MSRA: variants seen among roughly 807,000 people sequenced by gnomAD.
MSRA encodes the protein mitochondrial peptide methionine sulfoxide reductase.
A neutral mutation model predicts 31.3 loss-of-function variants in MSRA; 54 were observed. The observed-to-expected ratio is 1.73, with a 90% CI of 1.39 to 2.17. The LOEUF (loss-of-function observed/expected upper bound fraction) is 2.17. Among genes scored for constraint, MSRA ranks in the 30% most tolerant of loss-of-function variants. The pLI, the probability that MSRA is intolerant of heterozygous loss-of-function variation, is 0.00. For missense variants in MSRA, 507 were observed against 300.9 expected (o/e 1.69, Z -5.07); for synonymous variants, 169 against 116.5 (o/e 1.45, Z -2.90).
At chr8:10,125,583 G>T (rs377327024) in intron 1 of MSRA, among the ~76,000 whole-genome samples, 1 of 152,136 alleles carries the variant, frequency 6.6e-6, no homozygotes, top group Non-Finnish European at 1.5e-5. Flanking sequence ...CTCCTGAACC[G>T]GGCTAAGGAG....
intron 5 of MSRA, among the ~76,000 whole-genome samples, chr8:10,386,939 C>T (rs1376142968): frequency 6.6e-6 from 1 of 150,938 alleles, no homozygotes; most frequent in Non-Finnish European, 1.5e-5. Flanking sequence ...GGCATGGGAT[C>T]GGCTGAACTG....
At position 10,094,589 on chromosome 8, in the gene MSRA, C is replaced by T. The variant is rs186426118; in HGVS notation, c.142+39931C>T. Among the ~76,000 whole-genome samples, 211 of 152,270 alleles carry T rather than the reference C, an allele frequency of 1.4e-3. 2 individuals carry two copies. Among genetic ancestry groups the T allele is most frequent in the African/African-American group, 3.9e-3 (160 of 41,542 alleles). On this transcript the variant is annotated intron_variant, in intron 1 of 5. Coordinates refer to ENST00000317173, the MANE Select transcript of MSRA (RefSeq NM_012331.5). ...AGACCTTGAGTTATCTAAATTAGAA[C>T]GTGGCAGAATCAAGGACTAGAAGTC...
chr8:10,096,235 A>C, intron 1 of MSRA: 2 of 1,199,954 alleles, frequency 1.7e-6, no homozygotes, highest in Non-Finnish European at 2.1e-6. Flanking sequence ...CCTAAACTAC[A>C]TCCCCCAGCA....
In MSRA at chr8:10,378,069, C is replaced by G. The variant is rs139949409; in HGVS notation, c.544-50079C>G. On this transcript the variant is annotated intron_variant, in intron 5 of 5. Coordinates refer to ENST00000317173, the MANE Select transcript of MSRA (RefSeq NM_012331.5). The stretch of plus-strand genomic sequence containing the variant: ...CCAGCAGATGTCTTTATCAGTGGCT[C>G]GACATTGGCAGAGGAACTCTGTGGA... 5.4e-3 allele frequency among the ~76,000 whole-genome samples: 821 copies of G among 152,276 alleles called. 7 individuals are homozygous for G. Among genetic ancestry groups the G allele is most frequent in the African/African-American group, 0.019 (777 of 41,566 alleles).
chr8:10,276,860 T>G (rs1799348759), intron 3 of MSRA, among the ~76,000 whole-genome samples: 1 of 152,234 alleles, frequency 6.6e-6, no homozygotes, highest in Non-Finnish European at 1.5e-5. Context: ...TGATTTATCG[T>G]TCCCTTTAAG....
chr8:10,183,554 TG>T (rs1310374903), intron 1 of MSRA, among the ~76,000 whole-genome samples: 1 of 152,120 alleles, frequency 6.6e-6, no homozygotes, highest in Non-Finnish European at 1.5e-5. Context: ...AAGGCAAAAA[TG>T]GTTCAAAATA....
chr8:10,058,621 T>C (rs1243483170), intron 1 of MSRA, among the ~76,000 whole-genome samples: 2 of 152,246 alleles, frequency 1.3e-5, no homozygotes, highest in African/African-American at 2.4e-5. Context: ...AATAAATGGC[T>C]ATTTCCTTGA....
At chr8:10,210,564 C>G (rs1036505547) in intron 2 of MSRA, among the ~76,000 whole-genome samples, 2 of 152,178 alleles carry the variant, frequency 1.3e-5, no homozygotes, top group Non-Finnish European at 2.9e-5. Flanking sequence ...GGCTATCATG[C>G]TTTTCCATTT....
chr8:10,181,265 T>A (rs1806512023), intron 1 of MSRA, among the ~76,000 whole-genome samples: 1 of 152,046 alleles, frequency 6.6e-6, no homozygotes, highest in Non-Finnish European at 1.5e-5. Flanking sequence ...AGCAAGGGTT[T>A]GAGTAGAAAC....
intron 1 of MSRA, chr8:10,095,489 C>G (rs920701414): frequency 2.0e-6 from 2 of 985,464 alleles, no homozygotes; most frequent in Non-Finnish European, 2.4e-6. Flanking sequence ...AGAATTCAGA[C>G]AGACTGGCAC....
chr8:10,080,037 T>C (rs1798210353), intron 1 of MSRA, among the ~76,000 whole-genome samples: 2 of 152,216 alleles, frequency 1.3e-5, no homozygotes, highest in African/African-American at 4.8e-5. Context: ...CCTCAGAAGC[T>C]GATGAATTAG....
chr8:10,322,570 C>T (rs1563349361), intron 5 of MSRA, among the ~76,000 whole-genome samples: 1 of 152,094 alleles, frequency 6.6e-6, no homozygotes, highest in African/African-American at 2.4e-5. Context: ...CTAAGGTGCC[C>T]ATGACATGGG....
intron 5 of MSRA, chr8:10,353,665 C>T (rs6601444): frequency 0.29 from 131,181 of 455,666 alleles, 23,849 homozygotes; most frequent in African/African-American, 0.57. Context: ...GGGCTGCAGA[C>T]GGAGGGAAGA....
intron 3 of MSRA, among the ~76,000 whole-genome samples, chr8:10,287,919 G>C (rs1004117221): frequency 6.6e-6 from 1 of 152,108 alleles, no homozygotes; most frequent in Non-Finnish European, 1.5e-5. Flanking sequence ...GTTGCCATTT[G>C]CTTGTTTCTC....
chr8:10,352,860 A>C (rs780912002), intron 5 of MSRA, among the ~76,000 whole-genome samples: 1 of 152,084 alleles, frequency 6.6e-6, no homozygotes, highest in African/African-American at 2.4e-5. Flanking sequence ...GGCCCTGGCT[A>C]TATTTTTCTT....
At chr8:10,403,102 C>T (rs904114519) in intron 5 of MSRA, among the ~76,000 whole-genome samples, 10 of 152,212 alleles carry the variant, frequency 6.6e-5, no homozygotes, top group African/African-American at 2.4e-4. Flanking sequence ...GCTTGAGATT[C>T]TTGTTTACCA....
At chr8:10,316,267 G>A (rs1029223285) in intron 4 of MSRA, among the ~76,000 whole-genome samples, 7 of 151,168 alleles carry the variant, frequency 4.6e-5, no homozygotes, top group African/African-American at 1.7e-4. Flanking sequence ...TTTACAAATC[G>A]GAATAATAGT....
chr8:10,099,800 G>A (rs1461257554), intron 1 of MSRA, among the ~76,000 whole-genome samples: 3 of 152,206 alleles, frequency 2.0e-5, no homozygotes, highest in African/African-American at 7.2e-5. Context: ...CTTGCCTGGT[G>A]TGGGGTGGCC....
intron 5 of MSRA, among the ~76,000 whole-genome samples, chr8:10,375,037 C>T (rs1278852158): frequency 2.0e-5 from 3 of 152,308 alleles, no homozygotes; most frequent in East Asian, 3.9e-4. Context: ...TCACCAGAAG[C>T]CAAACAGATG....
Sources: gnomAD v4.1 joint callset for allele counts (sites outside exome capture counted in the v4.1 genomes callset) on GRCh38, gnomAD v4.1.1 for gene constraint, MANE v1.5 for transcripts, NCBI Gene and HGNC (gene_info 2026-07-23, HGNC 2026-07-21) for gene names.